Variants in SSBP3 observed in about 807,000 individuals in gnomAD.
SSBP3 encodes the protein single stranded DNA binding protein 3.
A neutral mutation model predicts 69.6 loss-of-function variants in SSBP3; 5 were observed. That is an observed-to-expected ratio of 0.07 (90% CI 0.04 to 0.15). SSBP3 has a LOEUF of 0.15. Among genes scored for constraint, SSBP3 ranks in the 10% least tolerant of loss-of-function variants. The pLI, the probability that SSBP3 is intolerant of heterozygous loss-of-function variation, is 1.00. For missense variants in SSBP3, 312 were observed against 534.0 expected (o/e 0.58, Z 4.10); for synonymous variants, 196 against 193.4 (o/e 1.01, Z -0.11).
At chr1:54,335,640 C>CAA (rs1646495277) in intron 4 of SSBP3, among the ~76,000 whole-genome samples, 1 of 152,106 alleles carries the variant, frequency 6.6e-6, no homozygotes, top group African/African-American at 2.4e-5. Context: ...CCAAACACAT[C>CAA]GATTCAAGGA....
intron 10 of SSBP3, 90 bp downstream of exon 10, chr1:54,243,145 T>C (rs1644670941): frequency 8.7e-7 from 1 of 1,150,462 alleles, no homozygotes; most frequent in East Asian, 2.3e-5. Context: ...GTACCAGCAA[T>C]GACCCCTTAT....
chr1:54,251,729 A>C, intron 8 of SSBP3, 37 bp from the exon 9 acceptor site: 1 of 1,584,422 alleles, frequency 6.3e-7, no homozygotes, highest in Non-Finnish European at 8.6e-7. Flanking sequence ...GGATGGCAGG[A>C]GTGGAGGGAG....
intron 4 of SSBP3, among the ~76,000 whole-genome samples, chr1:54,329,978 C>T (rs1213027963): frequency 1.3e-5 from 2 of 152,246 alleles, no homozygotes; most frequent in East Asian, 1.9e-4. Context: ...ACCACGCATC[C>T]CAGACTTTGC....
chr1:54,231,639 T>C (rs1644380286), intron 14 of SSBP3, among the ~76,000 whole-genome samples: 2 of 152,246 alleles, frequency 1.3e-5, no homozygotes, highest in African/African-American at 2.4e-5. Flanking sequence ...TTCAAGTGTT[T>C]TGTAGTTTCA....
At chr1:54,236,901 A>G (rs951638730) in intron 14 of SSBP3, 3 of 152,220 alleles carry the variant, frequency 2.0e-5, no homozygotes, top group Non-Finnish European at 4.4e-5. Flanking sequence ...AGGTGTGAAC[A>G]TTTAGCAGGT....
At chr1:54,241,916 G>A (rs1398088621) in intron 11 of SSBP3, among the ~76,000 whole-genome samples, 1 of 152,216 alleles carries the variant, frequency 6.6e-6, no homozygotes, top group Non-Finnish European at 1.5e-5. Flanking sequence ...TGCTCTCTGA[G>A]CCCAGGTTCT....
chr1:54,303,716 C>T (rs886496693), intron 4 of SSBP3, among the ~76,000 whole-genome samples: 6 of 152,086 alleles, frequency 3.9e-5, no homozygotes, highest in African/African-American at 7.2e-5. Flanking sequence ...GAAATGTGGG[C>T]GGTTCAGAGA....
chr1:54,394,938 C>T (rs1051845894), intron 4 of SSBP3, among the ~76,000 whole-genome samples: 3 of 151,642 alleles, frequency 2.0e-5, no homozygotes, highest in Non-Finnish European at 2.9e-5. Context: ...CTCCTGAACT[C>T]GTGATCCGCC....
At chr1:54,321,295 G>A (rs1272899667) in intron 4 of SSBP3, among the ~76,000 whole-genome samples, 1 of 152,272 alleles carries the variant, frequency 6.6e-6, no homozygotes, top group African/African-American at 2.4e-5. Flanking sequence ...ATGTGTTTCA[G>A]AGAGAGAACT....
intron 4 of SSBP3, among the ~76,000 whole-genome samples, chr1:54,374,775 C>G (rs1647189329): frequency 6.6e-6 from 1 of 152,194 alleles, no homozygotes; most frequent in African/African-American, 2.4e-5. Context: ...CAGACCCCAC[C>G]TAATCCAACG....
At chr1:54,346,183 G>A (rs1015549956) in intron 4 of SSBP3, among the ~76,000 whole-genome samples, 1 of 151,246 alleles carries the variant, frequency 6.6e-6, no homozygotes, top group Non-Finnish European at 1.5e-5. Context: ...AAATTAGCCA[G>A]GCGCGGCACC....
intron 4 of SSBP3, among the ~76,000 whole-genome samples, chr1:54,342,326 G>A (rs111290233): frequency 7.2e-5 from 11 of 152,288 alleles, no homozygotes; most frequent in African/African-American, 2.6e-4. Flanking sequence ...GCCTTCTTAC[G>A]GTCAGGTTAA....
In SSBP3 at chr1:54,228,639, CA is replaced by C. The variant is rs1644329201; in HGVS notation, c.1006+108del. On this transcript the variant is annotated intron_variant, in intron 15 of 17. Transcript: ENST00000610401. ...CCCTCTCAGGATCGTCCTGTGTGCC[CA>C]GCCAAGGCCGGCCAGGGCTCTGTAC... The C allele has an allele frequency of 1.8e-5, 26 of 1,478,292 alleles. No individual in the cohort carries two copies. The South Asian group carries it at 3.0e-4, about 17-fold the overall frequency. The allele number at this position is 1,478,292 out of a possible 1,614,324, so 91.6% of individuals were successfully genotyped here.
chr1:54,294,740 A>G (rs74378243), intron 4 of SSBP3, among the ~76,000 whole-genome samples: 5,092 of 152,148 alleles, frequency 0.033, 266 homozygotes, highest in African/African-American at 0.12. Flanking sequence ...TTCTTCTCAG[A>G]CAGGTTGGAT....
chr1:54,387,159 G>A (rs1408912271), intron 4 of SSBP3, among the ~76,000 whole-genome samples: 13 of 152,144 alleles, frequency 8.5e-5, no homozygotes, highest in African/African-American at 2.9e-4. Context: ...GTCCCAAAGC[G>A]CCCACTGGGC....
intron 14 of SSBP3, among the ~76,000 whole-genome samples, chr1:54,235,273 GTTTTTT>G (rs200538399): frequency 8.9e-6 from 1 of 112,034 alleles, no homozygotes; most frequent in African/African-American, 3.5e-5. Context: ...AAGATGTCCA[GTTTTTT>G]TTTTTTTTTT....
chr1:54,359,097 C>A (rs1646912486), intron 4 of SSBP3, among the ~76,000 whole-genome samples: 1 of 151,848 alleles, frequency 6.6e-6, no homozygotes, highest in African/African-American at 2.4e-5. Context: ...CAGGGAGATG[C>A]CTTCCAAAAC....
chr1:54,225,492 A>G (rs1644271954), exon 18 of SSBP3: 4 of 1,118,560 alleles, frequency 3.6e-6, no homozygotes, highest in African/African-American at 3.2e-5. Flanking sequence ...ACAAACTACA[A>G]TGTATCATAA....
At chr1:54,236,754 C>T (rs966515640) in intron 14 of SSBP3, 1 of 152,180 alleles carries the variant, frequency 6.6e-6, no homozygotes, top group Admixed American at 6.5e-5. Flanking sequence ...GAGGCATTCT[C>T]CTGTCTATAA....
Sources: allele counts gnomAD v4.1 joint callset (sites outside exome capture counted in the v4.1 genomes callset), GRCh38; gene constraint gnomAD v4.1.1; transcripts MANE v1.5; gene names NCBI Gene and HGNC (gene_info 2026-07-23, HGNC 2026-07-21).